Variants in EBF2 observed in about 807,000 individuals in gnomAD.
EBF2 encodes the protein EBF transcription factor 2.
EBF2 carries 21 observed loss-of-function variants against 72.8 expected under a neutral mutation model. The ratio of observed to expected loss-of-function variants is 0.29; its 90% confidence interval spans 0.20 to 0.42. The LOEUF is 0.42. Among genes scored for constraint, EBF2 ranks in the 10% least tolerant of loss-of-function variants. The pLI is 1.00. For synonymous variants in EBF2, 299 were observed against 274.2 expected (o/e 1.09, Z -0.89); for missense variants, 637 against 731.2 (o/e 0.87, Z 1.49).
At chr8:25,908,156 G>T (rs1359275816) in intron 7 of EBF2, among the ~76,000 whole-genome samples, 2 of 152,300 alleles carry the variant, frequency 1.3e-5, no homozygotes, top group East Asian at 1.9e-4. Context: ...TCCCAAGGTG[G>T]CTGAATATCA....
chr8:25,859,572 A>G (rs1453609262), intron 13 of EBF2, among the ~76,000 whole-genome samples: 2 of 152,212 alleles, frequency 1.3e-5, no homozygotes, highest in African/African-American at 2.4e-5. Flanking sequence ...ACATCGTATC[A>G]TATGTCCTGG....
intron 14 of EBF2, 48 bp downstream of exon 14, chr8:25,858,271 C>T (rs1005672262): frequency 2.5e-6 from 4 of 1,608,008 alleles, no homozygotes; most frequent in African/African-American, 1.3e-5. Context: ...ATAGTAAAAC[C>T]CAGAGACAAA....
chr8:25,990,108 C>T (rs370203284), intron 6 of EBF2, among the ~76,000 whole-genome samples: 1 of 151,948 alleles, frequency 6.6e-6, no homozygotes, highest in African/African-American at 2.4e-5. Flanking sequence ...TACTGAAACT[C>T]CAGTTTTACA....
chr8:25,938,162 C>T (rs913731286), intron 6 of EBF2, among the ~76,000 whole-genome samples: 8 of 152,018 alleles, frequency 5.3e-5, no homozygotes, highest in Non-Finnish European at 7.4e-5. Flanking sequence ...AGATGAATTC[C>T]GTCATGGAAG....
In EBF2 at chr8:25,906,821, C is replaced by T. The variant is rs1035697289; in HGVS notation, c.633+1653G>A. On this transcript the variant is annotated intron_variant, in intron 7 of 15. Coordinates refer to ENST00000520164, the MANE Select transcript of EBF2 (RefSeq NM_022659.4). ...AAAAAAAGGCAGGGAAACAGCCTGC[C>T]CAAGAGAGAAAAAGTCTCCAACTTT... Among the ~76,000 whole-genome samples, 3 of 151,828 alleles carry T rather than the reference C, an allele frequency of 2.0e-5. 1 individual carries two copies. In the Middle Eastern group the frequency reaches 9.5e-3, roughly 480 times the overall value.
chr8:25,948,973 G>GA (rs1470945864), intron 6 of EBF2, among the ~76,000 whole-genome samples: 1 of 152,120 alleles, frequency 6.6e-6, no homozygotes. Context: ...ATCATGGGCT[G>GA]AAAAAATAAT....
chr8:25,865,227 C>T (rs1217759421), intron 10 of EBF2, among the ~76,000 whole-genome samples: 1 of 152,188 alleles, frequency 6.6e-6, no homozygotes, highest in African/African-American at 2.4e-5. Flanking sequence ...AACACTCCAC[C>T]TTCTTCTTTA....
intron 6 of EBF2, among the ~76,000 whole-genome samples, chr8:26,023,918 C>T (rs1315245536): frequency 1.3e-5 from 2 of 152,132 alleles, no homozygotes; most frequent in South Asian, 4.1e-4. Context: ...CCAATCCATC[C>T]TCAAAGTTCT....
chr8:25,903,190 T>TG (rs1369903175), intron 7 of EBF2, among the ~76,000 whole-genome samples: 1 of 150,862 alleles, frequency 6.6e-6, no homozygotes, highest in African/African-American at 2.4e-5. Context: ...TGTCTGGGTT[T>TG]TTTTTTTTTT....
chr8:25,986,013 A>AAAAAAAAAAAAAG (rs1804447773), intron 6 of EBF2, among the ~76,000 whole-genome samples: 1 of 149,104 alleles, frequency 6.7e-6, no homozygotes, highest in Non-Finnish European at 1.5e-5. Flanking sequence ...AAAAAAAAAA[A>AAAAAAAAAAAAAG]AAAAAAAAAA....
intron 6 of EBF2, among the ~76,000 whole-genome samples, chr8:26,028,275 T>A (rs1805335378): frequency 6.6e-6 from 1 of 151,970 alleles, no homozygotes; most frequent in African/African-American, 2.4e-5. Context: ...AGAAAGAAAA[T>A]AAACAAAAAC....
At chr8:26,015,177 T>A (rs1164998369) in intron 6 of EBF2, among the ~76,000 whole-genome samples, 1 of 152,080 alleles carries the variant, frequency 6.6e-6, no homozygotes, top group Non-Finnish European at 1.5e-5. Context: ...TGACCTCTGT[T>A]TTGTGATGGG....
intron 10 of EBF2, among the ~76,000 whole-genome samples, chr8:25,872,458 G>T (rs148308388): frequency 6.6e-6 from 1 of 152,226 alleles, no homozygotes; most frequent in East Asian, 1.9e-4. Flanking sequence ...TCATCAGGAG[G>T]CCAATAAAAG....
At chr8:25,918,121 C>T (rs7820139) in intron 6 of EBF2, among the ~76,000 whole-genome samples, 81,023 of 152,086 alleles carry the variant, frequency 0.53, 24,034 homozygotes, top group East Asian at 0.74. Context: ...ACGCATCATG[C>T]AATGTTGGAG....
chr8:25,954,097 T>C (rs1004878964), intron 6 of EBF2, among the ~76,000 whole-genome samples: 3 of 152,224 alleles, frequency 2.0e-5, no homozygotes, highest in Non-Finnish European at 4.4e-5. Context: ...AAATAATCTA[T>C]CATGCTAGCA....
intron 6 of EBF2, among the ~76,000 whole-genome samples, chr8:25,967,616 C>A (rs534817264): frequency 2.0e-5 from 3 of 152,306 alleles, no homozygotes; most frequent in African/African-American, 7.2e-5. Context: ...CTATTGAATG[C>A]ATATCACTTT....
At chr8:26,022,183 C>T (rs996532260) in intron 6 of EBF2, among the ~76,000 whole-genome samples, 3 of 152,114 alleles carry the variant, frequency 2.0e-5, no homozygotes, top group African/African-American at 4.8e-5. Context: ...GAGACCACCT[C>T]GATTTTGTTC....
At chr8:26,017,794 C>T (rs1485749) in intron 6 of EBF2, among the ~76,000 whole-genome samples, 63,646 of 152,026 alleles carry the variant, frequency 0.42, 14,371 homozygotes, top group East Asian at 0.78. Context: ...GGGGTGTAAA[C>T]GCCAGCCAAT....
intron 6 of EBF2, among the ~76,000 whole-genome samples, chr8:26,005,852 T>TA (rs2117227865): frequency 6.7e-6 from 1 of 148,942 alleles, no homozygotes; most frequent in African/African-American, 2.5e-5. Context: ...AAAAAGATTT[T>TA]AAAATGATAG....
Sources: allele counts gnomAD v4.1 joint callset (sites outside exome capture counted in the v4.1 genomes callset), GRCh38; gene constraint gnomAD v4.1.1; transcripts MANE v1.5; gene names NCBI Gene and HGNC (gene_info 2026-07-23, HGNC 2026-07-21).